The following GLB1L2 variants were observed in gnomAD, a reference collection of about 807,000 sequenced individuals.
The protein encoded by GLB1L2 is beta-galactosidase-1-like protein 2.
GLB1L2 carries 68 observed loss-of-function variants against 84.1 expected under a neutral mutation model. That is an observed-to-expected ratio of 0.81 (90% CI 0.67 to 0.99). GLB1L2 has a LOEUF of 0.99. GLB1L2 is among the 50% of genes least tolerant of loss of function. GLB1L2 has a pLI of 0.00. For synonymous variants in GLB1L2, 290 were observed against 318.0 expected (o/e 0.91, Z 0.94); for missense variants, 762 against 805.6 (o/e 0.95, Z 0.66).
chr11:134,333,665 G>A (rs1943337618), intron 1 of GLB1L2, among the ~76,000 whole-genome samples: 1 of 152,222 alleles, frequency 6.6e-6, no homozygotes, highest in Admixed American at 6.5e-5. Flanking sequence ...TGGGACAGAG[G>A]TGAGGTGGCA....
At chr11:134,352,479 A>G (rs1943646942) in intron 5 of GLB1L2, among the ~76,000 whole-genome samples, 2 of 151,926 alleles carry the variant, frequency 1.3e-5, no homozygotes, top group Admixed American at 6.6e-5. Context: ...TACTTCTGCT[A>G]CCTTTTAGTT....
intron 5 of GLB1L2, among the ~76,000 whole-genome samples, chr11:134,353,405 GT>G (rs938143822): frequency 3.3e-5 from 5 of 151,404 alleles, no homozygotes; most frequent in African/African-American, 9.7e-5. Context: ...GCAAGACTCT[GT>G]TTTTTTTTAA....
At chr11:134,356,249 A>G in intron 5 of GLB1L2, 52 bp from the exon 6 acceptor site, 1 of 1,408,140 alleles carries the variant, frequency 7.1e-7, no homozygotes, top group Non-Finnish European at 1.0e-6. Context: ...AGGGTTGGAT[A>G]CTACAGTTCC....
intron 8 of GLB1L2, among the ~76,000 whole-genome samples, chr11:134,366,441 G>C (rs1306938007): frequency 6.6e-6 from 1 of 152,140 alleles, no homozygotes; most frequent in East Asian, 1.9e-4. Context: ...CTAAACATAA[G>C]GCTATCACTG....
At chr11:134,362,657 G>T (rs1370325842) in intron 7 of GLB1L2, among the ~76,000 whole-genome samples, 1 of 152,220 alleles carries the variant, frequency 6.6e-6, no homozygotes, top group Non-Finnish European at 1.5e-5. Flanking sequence ...GGAATGTGCT[G>T]TGGACACTGC....
At chr11:134,365,866 G>A (rs1016891446) in intron 8 of GLB1L2, among the ~76,000 whole-genome samples, 8 of 152,194 alleles carry the variant, frequency 5.3e-5, no homozygotes, top group East Asian at 1.9e-4. Context: ...CACCTCACTC[G>A]TCCTCTGTGT....
chr11:134,369,782 T>G, intron 10 of GLB1L2, 23 bp from the exon 11 acceptor site: 1 of 1,602,564 alleles, frequency 6.2e-7, no homozygotes, highest in Admixed American at 1.7e-5. Flanking sequence ...GGAATGACCA[T>G]GACAGGGCCC....
chr11:134,341,918 G>A (rs560462380), intron 1 of GLB1L2, among the ~76,000 whole-genome samples: 8 of 118,752 alleles, frequency 6.7e-5, no homozygotes, highest in Non-Finnish European at 1.2e-4. Context: ...CGGTGGGGAC[G>A]AAGGCACAGC....
Position 134,374,916 on chromosome 11 carries a change from C to T in GLB1L2, c.1825-56C>T, listed in dbSNP as rs895209279. 5 of 1,540,124 alleles carry T rather than the reference C, an allele frequency of 3.2e-6. No homozygotes were observed. In the African/African-American group the frequency reaches 6.8e-5, roughly 21 times the overall value. ...CTGACCCTGCCACCTCTCAGCACCT[C>T]CCCTGGCTCCAGGACAGACGTCAGC... On this transcript the variant is annotated intron_variant, in intron 18 of 18. Coordinates refer to ENST00000535456, the MANE Select transcript of GLB1L2 (RefSeq NM_001370461.1).
chr11:134,364,221 C>T, intron 7 of GLB1L2, 107 bp from the exon 8 acceptor site: 1 of 834,094 alleles, frequency 1.2e-6, no homozygotes, highest in Non-Finnish European at 1.9e-6. Flanking sequence ...GGTGTCAGGG[C>T]CGCTTACTTT....
At chr11:134,359,165 T>G (rs370291095) in intron 7 of GLB1L2, 24 bp downstream of exon 7, 29 of 1,549,312 alleles carry the variant, frequency 1.9e-5, no homozygotes, top group Non-Finnish European at 2.5e-5. Flanking sequence ...TGTTGGGCCG[T>G]GGGGGCTGGC....
At chr11:134,374,573 A>T in intron 17 of GLB1L2, 29 bp from the exon 18 acceptor site, 1 of 1,552,736 alleles carries the variant, frequency 6.4e-7, no homozygotes, top group Non-Finnish European at 8.9e-7. Flanking sequence ...CTCTCGTGGT[A>T]GATGAACACC....
chr11:134,374,625 C>A lies in GLB1L2; in HGVS notation c.1731C>A (p.Phe577Leu). The A allele has an allele frequency of 6.2e-7, 1 of 1,614,006 alleles. No homozygotes were observed. Among genetic ancestry groups the A allele is most frequent in the South Asian group, 1.1e-5 (1 of 91,070 alleles). The change falls in exon 18 of 19, where the codon TTC (phenylalanine) becomes TTA (leucine). Residue 577 changes from phenylalanine (F) to leucine (L), a missense_variant. Phe to Leu is a conservative substitution (Grantham distance 22, BLOSUM62 0). This residue lies in a region of GLB1L2 where 603 missense variants were observed against 611.7 expected (regional missense o/e 0.99). Coordinates refer to ENST00000535456, the MANE Select transcript of GLB1L2 (RefSeq NM_001370461.1). ...KLEGWEKGVV[F>L]INGQNLGRYW... ...AGGGCTGGGAGAAGGGGGTTGTATT[C>A]ATCAATGGCCAGAACCTTGGACGTT...
chr11:134,364,881 T>C (rs1474260773), intron 8 of GLB1L2: 2 of 154,404 alleles, frequency 1.3e-5, no homozygotes, highest in Admixed American at 6.4e-5. Flanking sequence ...GTCAGACTGA[T>C]GGGCATTTAT....
In GLB1L2 at chr11:134,355,219, C is replaced by T. The variant is rs1191951925; in HGVS notation, c.559-1082C>T. Among the ~76,000 whole-genome samples the T allele has an allele frequency of 5.3e-5, 8 of 152,212 alleles. No individual in the cohort carries two copies. In the East Asian group the frequency reaches 1.5e-3, roughly 29 times the overall value. On this transcript the variant is annotated intron_variant, in intron 5 of 18. Transcript: ENST00000535456. ...TAATCTCTGTTTCTTTGTTGATATT[C>T]TCTTTTTCTTCATATATCATTTGCC...
chr11:134,347,459 A>G, intron 5 of GLB1L2, 26 bp downstream of exon 5: 1 of 1,496,478 alleles, frequency 6.7e-7, no homozygotes, highest in South Asian at 1.1e-5. Flanking sequence ...GTCTTCTTTG[A>G]TCTTGGTCTG....
intron 2 of GLB1L2, among the ~76,000 whole-genome samples, chr11:134,344,144 G>A (rs994363783): frequency 1.3e-5 from 2 of 152,204 alleles, no homozygotes; most frequent in South Asian, 2.1e-4. Flanking sequence ...TGGGGTCAGA[G>A]CGCCTGACCT....
At chr11:134,348,093 C>T (rs10750560) in intron 5 of GLB1L2, among the ~76,000 whole-genome samples, 135,331 of 152,200 alleles carry the variant, frequency 0.89, 60,363 homozygotes, top group African/African-American at 0.95. Context: ...CCAGAAAGAA[C>T]GGCATTGAGA....
rs113843063 is a variant in GLB1L2 at position 134,336,522 on chromosome 11, A to G, written c.86+4375A>G. The stretch of plus-strand genomic sequence containing the variant: ...TGTTTGCAATCTTTTAGCTACTGTA[A>G]ACAAAGCTGCTGCAGATATCTGTTG... On this transcript the variant is annotated intron_variant, in intron 1 of 18. Coordinates refer to ENST00000535456, the MANE Select transcript of GLB1L2 (RefSeq NM_001370461.1). Among the ~76,000 whole-genome samples, 1,035 of 152,326 alleles carry G rather than the reference A, an allele frequency of 6.8e-3. 11 individuals are homozygous for G. Among genetic ancestry groups the G allele is most frequent in the African/African-American group, 0.024 (997 of 41,558 alleles).
Sources: gnomAD v4.1 joint callset for allele counts (sites outside exome capture counted in the v4.1 genomes callset) on GRCh38, gnomAD v4.1.1 for gene constraint, gnomAD v4.1.1 regional missense constraint, MANE v1.5 for transcripts, NCBI Gene and HGNC (gene_info 2026-07-23, HGNC 2026-07-21) for gene names.